Variants in TECPR2 observed in about 807,000 individuals in gnomAD.
TECPR2 encodes the protein tectonin beta-propeller repeat-containing protein 2.
A neutral mutation model predicts 138.1 loss-of-function variants in TECPR2; 65 were observed. The observed-to-expected ratio is 0.47, with a 90% CI of 0.39 to 0.58. TECPR2 has a LOEUF of 0.58. Among genes scored for constraint, TECPR2 ranks in the 20% least tolerant of loss-of-function variants. The pLI is 0.00. For missense variants in TECPR2, 1,553 were observed against 1,824.5 expected, an observed-to-expected ratio of 0.85 and a Z score of 2.71; for synonymous variants, 746 against 749.8, an observed-to-expected ratio of 0.99 and a Z score of 0.08.
intron 6 of TECPR2, 148 bp downstream of exon 6, chr14:102,425,439 A>G: frequency 2.2e-6 from 2 of 898,622 alleles, no homozygotes; most frequent in South Asian, 1.1e-4. Flanking sequence ...CAAGGAAATC[A>G]AATGAAGGTT....
At chr14:102,411,359 G>C (rs1225630917) in intron 4 of TECPR2, among the ~76,000 whole-genome samples, 1 of 152,212 alleles carries the variant, frequency 6.6e-6, no homozygotes, top group Non-Finnish European at 1.5e-5. Flanking sequence ...CGCCCAGATG[G>C]CCTGAAGTAA....
chr14:102,431,340 A>ATT lies in TECPR2; in HGVS notation c.1085-437_1085-436dup, dbSNP rs35092221. ...TGTATGATTCTTTTAGTTTTGGTGG[A>ATT]TTTTTTTTTTTTTTTTTTTTGAGAC... On this transcript the variant is annotated intron_variant, in intron 7 of 19. Transcript: ENST00000359520. Among the ~76,000 whole-genome samples the ATT allele has an allele frequency of 2.3e-3, 254 of 111,722 alleles. 4 individuals carry two copies. Among genetic ancestry groups the ATT allele is most frequent in the African/African-American group, 2.8e-3 (79 of 28,474 alleles). The allele number at this position is 111,722 out of a possible 152,430, so 73.3% of individuals were successfully genotyped here. A position where few individuals can be genotyped will look rare whatever the true frequency, so the allele number is the denominator to read the frequency against.
intron 16 of TECPR2, among the ~76,000 whole-genome samples, chr14:102,452,838 T>G (rs1454243737): frequency 2.0e-5 from 3 of 152,202 alleles, no homozygotes; most frequent in Non-Finnish European, 1.5e-5. Flanking sequence ...CCCTTAGAGT[T>G]TGCAGGGCTG....
intron 2 of TECPR2, among the ~76,000 whole-genome samples, chr14:102,377,648 G>T (rs1469381571): frequency 6.6e-6 from 1 of 152,158 alleles, no homozygotes. Flanking sequence ...GGAGGTTGCA[G>T]TGAGCCAAGA....
intron 16 of TECPR2, 135 bp from the exon 17 acceptor site, chr14:102,465,006 C>T: frequency 2.9e-6 from 3 of 1,048,876 alleles, no homozygotes; most frequent in Non-Finnish European, 4.2e-6. Flanking sequence ...GATCCGATGA[C>T]TTAGTGTCCA....
chr14:102,363,555 C>T (rs866997674), intron 1 of TECPR2, among the ~76,000 whole-genome samples: 15 of 152,400 alleles, frequency 9.8e-5, no homozygotes, highest in South Asian at 6.2e-4. Flanking sequence ...CAGGCCTTGA[C>T]ACTCATCCAG....
chr14:102,435,359 T>G, intron 9 of TECPR2, 148 bp downstream of exon 9: 1 of 1,230,898 alleles, frequency 8.1e-7, no homozygotes, highest in Non-Finnish European at 1.1e-6. Context: ...AGTCTGGGTT[T>G]CAGGGGATTT....
At chr14:102,483,150 C>G (rs1314567226) in intron 17 of TECPR2, among the ~76,000 whole-genome samples, 1 of 152,068 alleles carries the variant, frequency 6.6e-6, no homozygotes, top group Admixed American at 6.6e-5. Flanking sequence ...CTCGCCCGGC[C>G]CAGAAGCCGT....
In TECPR2 at chr14:102,434,721, C is replaced by G; in HGVS notation, c.1904C>G (p.Pro635Arg). 6.2e-7 allele frequency: 1 copy of G among 1,613,800 alleles called. No homozygotes were observed. Among genetic ancestry groups the G allele is most frequent in the Non-Finnish European group, 8.5e-7 (1 of 1,180,018 alleles). ...HDGEDIQPIG[P>R]QSTFCEVPLL... ...GGGGAAGACATCCAACCCATTGGCC[C>G]CCAAAGCACTTTTTGTGAAGTCCCC... The change falls in exon 9 of 20, where the codon CCC (proline) becomes CGC (arginine). Residue 635 changes from proline to arginine, a missense_variant. Transcript: ENST00000359520.
chr14:102,398,072 CAAA>C (rs560266373), intron 2 of TECPR2, among the ~76,000 whole-genome samples: 1 of 45,798 alleles, frequency 2.2e-5, no homozygotes, highest in Non-Finnish European at 4.7e-5. Flanking sequence ...GATTCTGTCT[CAAA>C]AAAAAAAAAA....
At chr14:102,388,306 AG>A (rs1040874765) in intron 2 of TECPR2, among the ~76,000 whole-genome samples, 2 of 152,182 alleles carry the variant, frequency 1.3e-5, no homozygotes, top group African/African-American at 4.8e-5. Flanking sequence ...AGTGACTCTT[AG>A]GGAAAAAAAA....
intron 2 of TECPR2, among the ~76,000 whole-genome samples, chr14:102,384,713 G>A (rs553764362): frequency 1.8e-4 from 26 of 147,748 alleles, no homozygotes; most frequent in Admixed American, 4.1e-4. Context: ...GTGTGTGTGT[G>A]TATATATATA....
At chr14:102,383,996 C>T (rs894884156) in intron 2 of TECPR2, among the ~76,000 whole-genome samples, 4 of 151,244 alleles carry the variant, frequency 2.6e-5, no homozygotes, top group African/African-American at 4.9e-5. Flanking sequence ...CCTCGGCTCA[C>T]TGCAAACTCT....
intron 15 of TECPR2, among the ~76,000 whole-genome samples, chr14:102,451,230 A>C (rs527660509): frequency 6.6e-6 from 1 of 152,118 alleles, no homozygotes; most frequent in South Asian, 2.1e-4. Context: ...CACTTCCCCC[A>C]CCCGCTTAGC....
intron 17 of TECPR2, among the ~76,000 whole-genome samples, chr14:102,466,361 G>A (rs919100550): frequency 6.6e-6 from 1 of 152,066 alleles, no homozygotes; most frequent in East Asian, 1.9e-4. Flanking sequence ...TGAATGATAC[G>A]GCACTGTCAA....
chr14:102,495,253 C>G (rs1357582869), intron 17 of TECPR2, among the ~76,000 whole-genome samples: 2 of 152,008 alleles, frequency 1.3e-5, no homozygotes, highest in Non-Finnish European at 2.9e-5. Flanking sequence ...CAGCCAGAAT[C>G]AGGTGGGGGC....
chr14:102,434,488 T>C lies in TECPR2; in HGVS notation c.1671T>C (p.Pro557=). Residue 557 remains proline, a synonymous_variant, in exon 9 of 20, where the codon CCT becomes CCC. Coordinates refer to ENST00000359520, the MANE Select transcript of TECPR2 (RefSeq NM_014844.5). ...FNVLEVSGSM[P]DSLAEEDDIR... is the part of the protein sequence containing the mutation. The stretch of plus-strand genomic sequence containing the variant: ...TCCTGGAGGTGTCAGGATCAATGCC[T>C]GATTCTCTGGCTGAGGAAGATGACA... 6.4e-7 allele frequency: 1 copy of C among 1,561,680 alleles called. No homozygotes were observed. The highest frequency in any genetic ancestry group is 1.2e-5 in the South Asian group (1 of 82,336).
intron 10 of TECPR2, among the ~76,000 whole-genome samples, chr14:102,439,111 G>T (rs925151050): frequency 6.6e-6 from 1 of 151,932 alleles, no homozygotes; most frequent in Non-Finnish European, 1.5e-5. Context: ...TGATCCGCCC[G>T]CCTCAGCCTC....
intron 3 of TECPR2, 89 bp from the exon 4 acceptor site, chr14:102,408,399 G>A: frequency 1.4e-6 from 2 of 1,412,750 alleles, no homozygotes. Context: ...TCCCTAACTA[G>A]GAGTGATTGT....
Sources: allele counts gnomAD v4.1 joint callset (sites outside exome capture counted in the v4.1 genomes callset), GRCh38; gene constraint gnomAD v4.1.1; transcripts MANE v1.5; gene names NCBI Gene and HGNC (gene_info 2026-07-23, HGNC 2026-07-21).